The following ERO1B variants were observed in gnomAD, a reference collection of about 807,000 sequenced individuals.
The protein encoded by ERO1B is endoplasmic reticulum oxidoreductase 1 beta, also known as ERO1-like protein beta.
In ERO1B, 49 loss-of-function variants were observed where a neutral mutation model predicts 75.3. That is an observed-to-expected ratio of 0.65 (90% CI 0.52 to 0.83). The LOEUF (loss-of-function observed/expected upper bound fraction) is 0.83, where lower values mean the gene tolerates loss of function less well. Among genes scored for constraint, ERO1B ranks in the 40% least tolerant of loss-of-function variants. ERO1B has a pLI of 0.00. For missense variants in ERO1B, 512 were observed against 560.1 expected (o/e 0.91, Z 0.87); for synonymous variants, 191 against 192.9 (o/e 0.99, Z 0.08).
At chr1:236,224,982 CTG>C in intron 13 of ERO1B, 86 bp downstream of exon 13, 1 of 1,226,364 alleles carries the variant, frequency 8.2e-7, no homozygotes, top group Non-Finnish European at 1.2e-6. Flanking sequence ...AGCTGGAAAA[CTG>C]GGAAAGAAAA....
chr1:236,243,865 AATTT>A (rs757363154), intron 5 of ERO1B, among the ~76,000 whole-genome samples: 4 of 152,230 alleles, frequency 2.6e-5, no homozygotes, highest in South Asian at 2.1e-4. Flanking sequence ...GAAGTAATTA[AATTT>A]ATTTTCAGAA....
At position 236,232,928 on chromosome 1, in the gene ERO1B, C is replaced by G. The variant is rs1664449331; in HGVS notation, c.674-89G>C. The G allele has an allele frequency of 3.6e-6, 4 of 1,124,778 alleles. 1 individual carries two copies. In the South Asian group the frequency reaches 6.8e-5, roughly 19 times the overall value. 69.7% of individuals were successfully genotyped at this position (1,124,778 alleles called of 1,614,324 possible). On this transcript the variant is annotated intron_variant, in intron 8 of 15. Transcript: ENST00000354619. ...ATTTTTTGAGATTAAAACTGTTAAA[C>G]TATTAATTATATCACAAACCTTGGT... is the stretch of plus-strand genomic sequence containing the variant.
At chr1:236,281,595 G>GCCCTGCCCGT in intron 1 of ERO1B, 87 bp downstream of exon 1, 1 of 1,018,138 alleles carries the variant, frequency 9.8e-7, no homozygotes, top group Non-Finnish European at 1.3e-6. Flanking sequence ...GCCCTGCCCG[G>GCCCTGCCCGT]CCCTCCCCGC....
intron 2 of ERO1B, among the ~76,000 whole-genome samples, chr1:236,266,844 T>C (rs1665454230): frequency 6.6e-6 from 1 of 152,166 alleles, no homozygotes; most frequent in African/African-American, 2.4e-5. Context: ...CCCTCCTCTG[T>C]GAGAGGGTAT....
chr1:236,275,902 A>C (rs1382554699), intron 1 of ERO1B, among the ~76,000 whole-genome samples: 1 of 152,238 alleles, frequency 6.6e-6, no homozygotes, highest in African/African-American at 2.4e-5. Flanking sequence ...AAAGGGTGAC[A>C]GGAATTTGGT....
At chr1:236,237,752 TA>T (rs2102946856) in intron 6 of ERO1B, among the ~76,000 whole-genome samples, 1 of 152,324 alleles carries the variant, frequency 6.6e-6, no homozygotes, top group South Asian at 2.1e-4. Flanking sequence ...CAGTAAACAG[TA>T]TTCCCTGGAC....
At chr1:236,230,479 G>A (rs1572034908) in intron 9 of ERO1B, among the ~76,000 whole-genome samples, 3 of 151,816 alleles carry the variant, frequency 2.0e-5, no homozygotes, top group African/African-American at 7.2e-5. Flanking sequence ...CGGGTATGGA[G>A]GTGCAGGCCT....
chr1:236,230,947 T>C (rs12023658), intron 9 of ERO1B, among the ~76,000 whole-genome samples: 10,355 of 151,978 alleles, frequency 0.068, 742 homozygotes, highest in East Asian at 0.39. Context: ...AAAAAAAGTA[T>C]ATAAATCTTA....
chr1:236,222,833 T>C (rs1612244), intron 13 of ERO1B, among the ~76,000 whole-genome samples: 71,343 of 151,934 alleles, frequency 0.47, 17,473 homozygotes, highest in East Asian at 0.88. Flanking sequence ...GTGTGACACA[T>C]ATGGTCCCAC....
At chr1:236,226,222 T>G (rs1255336663) in intron 12 of ERO1B, 47 bp downstream of exon 12, 3 of 1,596,658 alleles carry the variant, frequency 1.9e-6, no homozygotes, top group Non-Finnish European at 2.6e-6. Context: ...GCTACCTCAT[T>G]TGAATACAGA....
intron 2 of ERO1B, among the ~76,000 whole-genome samples, chr1:236,265,256 T>A (rs550457438): frequency 1.7e-4 from 26 of 152,262 alleles, no homozygotes; most frequent in Admixed American, 1.4e-3. Flanking sequence ...TGTTAAGAAA[T>A]ATACATCATT....
At chr1:236,270,159 TAAA>T (rs929547379) in intron 1 of ERO1B, among the ~76,000 whole-genome samples, 165 bp from the exon 2 acceptor site, 1 of 152,150 alleles carries the variant, frequency 6.6e-6, no homozygotes, top group African/African-American at 2.4e-5. Flanking sequence ...GCCAATGAGA[TAAA>T]AAACAATAGA....
intron 10 of ERO1B, among the ~76,000 whole-genome samples, chr1:236,227,413 T>C (rs573791858): frequency 6.6e-6 from 1 of 152,324 alleles, no homozygotes; most frequent in South Asian, 2.1e-4. Context: ...CGTCATCCTA[T>C]CCTAACCCCT....
chr1:236,256,574 C>A (rs1431197492), intron 2 of ERO1B, among the ~76,000 whole-genome samples: 1 of 152,224 alleles, frequency 6.6e-6, no homozygotes, highest in Admixed American at 6.5e-5. Context: ...TCAGCACTCC[C>A]TGTGCCTTTC....
At chr1:236,228,041 G>A (rs1664319110) in intron 10 of ERO1B, among the ~76,000 whole-genome samples, 1 of 152,082 alleles carries the variant, frequency 6.6e-6, no homozygotes, top group Non-Finnish European at 1.5e-5. Flanking sequence ...CTATTATCAA[G>A]TAACAAAATA....
At chr1:236,249,669 T>C (rs1312800175) in intron 5 of ERO1B, among the ~76,000 whole-genome samples, 1 of 152,156 alleles carries the variant, frequency 6.6e-6, no homozygotes, top group Non-Finnish European at 1.5e-5. Flanking sequence ...TTTAAAAGAT[T>C]TACTATGGAT....
rs1345692165 is a variant in ERO1B at position 236,239,909 on chromosome 1, A to ATTTTTTT, written c.505+3512_506-3511insAAAAAAA. ...TGTGTGTGTATATATATATATATAT[A>ATTTTTTT]TATTTTTTTTTTTTGCGATGAGGCT... On this transcript the variant is annotated intron_variant, in intron 6 of 15. Coordinates refer to ENST00000354619, the MANE Select transcript of ERO1B (RefSeq NM_019891.4). 2.1e-3 allele frequency among the ~76,000 whole-genome samples: 223 copies of ATTTTTTT among 106,836 alleles called. 13 individuals are homozygous for ATTTTTTT. In the East Asian group the frequency reaches 0.051, roughly 24 times the overall value. The allele number at this position is 106,836 out of a possible 152,430, so 70.1% of individuals were successfully genotyped here.
intron 2 of ERO1B, among the ~76,000 whole-genome samples, chr1:236,262,247 C>T (rs1226135706): frequency 1.3e-5 from 2 of 152,190 alleles, no homozygotes; most frequent in African/African-American, 2.4e-5. Context: ...AGGGAAAGGA[C>T]AGTCTCTTTA....
At chr1:236,238,235 T>C (rs1198802766) in intron 6 of ERO1B, among the ~76,000 whole-genome samples, 1 of 152,190 alleles carries the variant, frequency 6.6e-6, no homozygotes, top group African/African-American at 2.4e-5. Context: ...TTTGTAAAGA[T>C]ACTCCACTAT....
Sources: allele counts gnomAD v4.1 joint callset (sites outside exome capture counted in the v4.1 genomes callset), GRCh38; gene constraint gnomAD v4.1.1; transcripts MANE v1.5; gene names NCBI Gene and HGNC (gene_info 2026-07-23, HGNC 2026-07-21).